CAMTA1: variants seen among roughly 807,000 people sequenced by gnomAD.
CAMTA1 encodes the protein calmodulin-binding transcription activator 1.
Under a neutral mutation model 170.9 loss-of-function variants are expected in CAMTA1, and 27 were observed. The ratio of observed to expected loss-of-function variants is 0.16; its 90% CI spans 0.12 to 0.22. The LOEUF (loss-of-function observed/expected upper bound fraction) is 0.22, where lower values mean the gene tolerates loss of function less well. Ranked by LOEUF, CAMTA1 falls within the 10% of genes least tolerant of loss-of-function variation. CAMTA1 has a pLI of 1.00. For missense variants in CAMTA1, 1,619 were observed against 2,217.2 expected, an observed-to-expected ratio of 0.73 and a Z score of 5.42; for synonymous variants, 833 against 891.5, an observed-to-expected ratio of 0.93 and a Z score of 1.17.
At chr1:7,729,450 T>G (rs890268442) in intron 11 of CAMTA1, among the ~76,000 whole-genome samples, 1 of 152,226 alleles carries the variant, frequency 6.6e-6, no homozygotes, top group African/African-American at 2.4e-5. Flanking sequence ...AAAGCAACCT[T>G]CCTCTTGCTT....
chr1:6,810,790 C>T (rs781199135), intron 1 of CAMTA1, among the ~76,000 whole-genome samples: 3 of 151,574 alleles, frequency 2.0e-5, no homozygotes, highest in Admixed American at 1.3e-4. Context: ...GGTGACAGAG[C>T]GAGACTCCGT....
At chr1:7,440,469 G>A (rs1189815854) in intron 5 of CAMTA1, among the ~76,000 whole-genome samples, 1 of 152,260 alleles carries the variant, frequency 6.6e-6, no homozygotes, top group African/African-American at 2.4e-5. Context: ...CCTGCATCTT[G>A]AAGGTTTGAT....
intron 6 of CAMTA1, among the ~76,000 whole-genome samples, chr1:7,590,614 G>A (rs2095348337): frequency 6.6e-6 from 1 of 152,220 alleles, no homozygotes; most frequent in African/African-American, 2.4e-5. Context: ...TTGGCTGACA[G>A]CCAGCCAGCA....
chr1:7,284,722 A>T (rs989573439), intron 5 of CAMTA1, among the ~76,000 whole-genome samples: 3 of 151,958 alleles, frequency 2.0e-5, no homozygotes, highest in Non-Finnish European at 4.4e-5. Context: ...CCACATGCCC[A>T]CCCACCACAA....
At position 7,547,829 on chromosome 1, in the gene CAMTA1, G is replaced by GC. The variant is rs145226353; in HGVS notation, c.510+79933dup. On this transcript the variant is annotated intron_variant, in intron 6 of 22. Transcript: ENST00000303635. This position sits in a 1 kb window ranked among gnomAD's most constrained non-coding sequence, Gnocchi z 5.7. ...CTCACATCTCTGCCACCCCATGTGGGCCCCCTCCAAACCCAGACTCTGACA... is the reference window on the plus strand; with the variant it reads ...CTCACATCTCTGCCACCCCATGTGGGCCCCCCTCCAAACCCAGACTCTGACA... Among the ~76,000 whole-genome samples the GC allele has an allele frequency of 0.099, 15,055 of 151,860 alleles. 879 individuals are homozygous for GC. The highest frequency in any genetic ancestry group is 0.17 in the East Asian group (887 of 5,138).
intron 5 of CAMTA1, among the ~76,000 whole-genome samples, chr1:7,318,783 C>T (rs1213047818): frequency 1.3e-5 from 2 of 152,316 alleles, no homozygotes; most frequent in African/African-American, 2.4e-5. Context: ...CTCCCTGGTG[C>T]CACGCGTTTT....
intron 4 of CAMTA1, among the ~76,000 whole-genome samples, chr1:7,213,185 CAA>C (rs527572327): frequency 1.2e-4 from 18 of 152,316 alleles, no homozygotes; most frequent in African/African-American, 4.3e-4. Flanking sequence ...AAGAATCTGC[CAA>C]AGCACTTTTC....
chr1:6,802,405 T>C (rs546420303), intron 1 of CAMTA1, among the ~76,000 whole-genome samples: 27 of 152,140 alleles, frequency 1.8e-4, no homozygotes, highest in Non-Finnish European at 3.1e-4. Flanking sequence ...CATCTCACTC[T>C]GGTCGACTAT....
intron 4 of CAMTA1, among the ~76,000 whole-genome samples, chr1:7,190,779 G>A (rs1009610665): frequency 3.9e-5 from 6 of 152,266 alleles, no homozygotes; most frequent in East Asian, 1.9e-4. Context: ...ATTCTAATGC[G>A]TACTGGGAGG....
chr1:7,179,137 T>C (rs1429811693), intron 4 of CAMTA1, among the ~76,000 whole-genome samples: 3 of 152,256 alleles, frequency 2.0e-5, no homozygotes, highest in African/African-American at 7.2e-5. Flanking sequence ...AATGATGATA[T>C]GGGTTCTGCC....
chr1:7,548,778 G>A (rs2094749396), intron 6 of CAMTA1, among the ~76,000 whole-genome samples: 1 of 89,182 alleles, frequency 1.1e-5, no homozygotes, highest in African/African-American at 3.5e-5. Context: ...AGATGCCCAT[G>A]GAGGTGTCCC....
intron 3 of CAMTA1, among the ~76,000 whole-genome samples, chr1:6,966,687 T>C (rs1691613353): frequency 6.6e-6 from 1 of 150,402 alleles, no homozygotes; most frequent in African/African-American, 2.5e-5. Context: ...TTCGGCTCAC[T>C]GCAACCTCCA....
At chr1:7,704,297 G>GA (rs1176079168) in intron 11 of CAMTA1, among the ~76,000 whole-genome samples, 4 of 145,694 alleles carry the variant, frequency 2.7e-5, no homozygotes, top group Non-Finnish European at 6.1e-5. Context: ...GCGGGAAGGG[G>GA]AACGGGAGGC....
At chr1:7,242,945 A>G (rs1203584074) in intron 4 of CAMTA1, among the ~76,000 whole-genome samples, 2 of 152,022 alleles carry the variant, frequency 1.3e-5, no homozygotes, top group Non-Finnish European at 2.9e-5. Context: ...CTGGGCGACA[A>G]AGCAAGACTC....
At chr1:7,024,572 G>C (rs1463377717) in intron 3 of CAMTA1, among the ~76,000 whole-genome samples, 1 of 152,236 alleles carries the variant, frequency 6.6e-6, no homozygotes, top group Non-Finnish European at 1.5e-5. Context: ...AAGAACAAAA[G>C]CATCTGTGTG....
chr1:7,399,595 C>T (rs967048075), intron 5 of CAMTA1, among the ~76,000 whole-genome samples: 10 of 152,208 alleles, frequency 6.6e-5, no homozygotes, highest in African/African-American at 2.4e-4. Context: ...ATATGTTTCA[C>T]AATAGTAATT....
intron 3 of CAMTA1, among the ~76,000 whole-genome samples, chr1:6,928,753 T>C (rs886347110): frequency 2.6e-5 from 4 of 152,200 alleles, no homozygotes; most frequent in African/African-American, 9.7e-5. Flanking sequence ...CAGCTCATTT[T>C]CCAGGTCTCA....
In CAMTA1 at chr1:7,443,039, C is replaced by G. The variant is rs116643877; in HGVS notation, c.439-24791C>G. ...ACACTTCTTCCTGCCTGTGGTCTCT[C>G]CTTGCCCCTGCGCAGATCCTCCTCC... On this transcript the variant is annotated intron_variant, in intron 5 of 22. Coordinates refer to ENST00000303635, the MANE Select transcript of CAMTA1 (RefSeq NM_015215.4). This position sits in a 1 kb window ranked among gnomAD's most constrained non-coding sequence, Gnocchi z 4.1. Among the ~76,000 whole-genome samples, 176 of 152,288 alleles carry G rather than the reference C, an allele frequency of 1.2e-3. No individual in the cohort carries two copies. The highest frequency in any genetic ancestry group is 4.2e-3 in the African/African-American group (174 of 41,542).
At position 7,580,890 on chromosome 1, in the gene CAMTA1, G is replaced by A. The variant is rs933596875; in HGVS notation, c.511-59510G>A. On this transcript the variant is annotated intron_variant, in intron 6 of 22. Coordinates refer to ENST00000303635, the MANE Select transcript of CAMTA1 (RefSeq NM_015215.4). The surrounding 1 kb of genome is among the most constrained non-coding windows in gnomAD (Gnocchi z 4.3). ...CACCCTGTCCTGACTGTGTGACCTC[G>A]AGAAGGTCACATGACCTCGCTGGGC... Among the ~76,000 whole-genome samples the A allele has an allele frequency of 4.6e-5, 7 of 152,344 alleles. No individual in the cohort carries two copies. The East Asian group carries it at 5.8e-4, about 13-fold the overall frequency.
Sources: allele counts gnomAD v4.1 joint callset (sites outside exome capture counted in the v4.1 genomes callset), GRCh38; gene constraint gnomAD v4.1.1; non-coding constraint Gnocchi (gnomAD v3.1); transcripts MANE v1.5; gene names NCBI Gene and HGNC (gene_info 2026-07-23, HGNC 2026-07-21).